Variants in DIP2C observed in about 807,000 individuals in gnomAD.
DIP2C encodes the protein DIP2 acetate--CoA ligase C (putative).
DIP2C carries 33 observed loss-of-function variants against 192.4 expected under a neutral mutation model. The observed-to-expected ratio is 0.17, with a 90% CI of 0.13 to 0.23. The LOEUF (loss-of-function observed/expected upper bound fraction) is 0.23, where lower values mean the gene tolerates loss of function less well. Ranked by LOEUF, DIP2C falls within the 10% of genes least tolerant of loss-of-function variation. DIP2C has a pLI of 1.00. For synonymous variants in DIP2C, 979 were observed against 864.1 expected, an observed-to-expected ratio of 1.13 and a Z score of -2.33; for missense variants, 1,537 against 2,110.1, an observed-to-expected ratio of 0.73 and a Z score of 5.32.
rs188393716 is a variant in DIP2C, at chr10:678,747, C to G, written c.85+10747G>C. On this transcript the variant is annotated intron_variant, in intron 1 of 36. Coordinates refer to ENST00000280886, the MANE Select transcript of DIP2C (RefSeq NM_014974.3). ...ACACCCGTGCTCCCCGCGCCCATCT[C>G]TGCTCCCCATGTCCATGCTCCCCGC... Among the ~76,000 whole-genome samples, 65 of 41,046 alleles carry G rather than the reference C, an allele frequency of 1.6e-3. 4 individuals carry two copies. The highest frequency in any genetic ancestry group is 5.0e-3 in the African/African-American group (58 of 11,646). 26.9% of individuals were successfully genotyped at this position (41,046 alleles called of 152,430 possible).
At chr10:477,856 T>TGAAGGAAGCAGAGA (rs1843203179) in intron 2 of DIP2C, among the ~76,000 whole-genome samples, 1 of 90,374 alleles carries the variant, frequency 1.1e-5, no homozygotes, top group Admixed American at 1.4e-4. Context: ...AAAGGAGAAG[T>TGAAGGAAGCAGAGA]GAAGGAAGCA....
intron 5 of DIP2C, among the ~76,000 whole-genome samples, chr10:422,352 G>A (rs1230951233): frequency 1.3e-5 from 2 of 152,290 alleles, no homozygotes. Context: ...CTAACTTTGT[G>A]CTTTTTCTCA....
At chr10:589,718 C>T (rs1588536840) in intron 1 of DIP2C, among the ~76,000 whole-genome samples, 1 of 152,102 alleles carries the variant, frequency 6.6e-6, no homozygotes, top group Non-Finnish European at 1.5e-5. Flanking sequence ...AAGCAAAAAC[C>T]ACACTAGAAA....
chr10:440,634 T>C (rs1222893007), intron 4 of DIP2C, among the ~76,000 whole-genome samples: 2 of 152,218 alleles, frequency 1.3e-5, no homozygotes, highest in East Asian at 3.8e-4. Context: ...TTTACTGGTA[T>C]GTATCATATG....
chr10:591,773 C>T (rs1851416334), intron 1 of DIP2C, among the ~76,000 whole-genome samples: 1 of 152,138 alleles, frequency 6.6e-6, no homozygotes, highest in African/African-American at 2.4e-5. Context: ...CACAAAGGTA[C>T]CACACCCCAC....
chr10:468,068 T>C (rs988363527), intron 3 of DIP2C, among the ~76,000 whole-genome samples: 2 of 152,136 alleles, frequency 1.3e-5, no homozygotes. Flanking sequence ...CACAGCCCTT[T>C]CCTTGTGAAT....
chr10:447,462 C>T (rs1251327615), intron 3 of DIP2C, among the ~76,000 whole-genome samples: 3 of 150,112 alleles, frequency 2.0e-5, no homozygotes, highest in East Asian at 2.0e-4. Context: ...CAGCAGGACC[C>T]GCTCACTCCC....
At chr10:422,185 C>CCA (rs1966236566) in intron 5 of DIP2C, among the ~76,000 whole-genome samples, 1 of 152,184 alleles carries the variant, frequency 6.6e-6, no homozygotes, top group Non-Finnish European at 1.5e-5. Context: ...CCTATTCAAC[C>CCA]CAAGTCCCGT....
chr10:274,244 AC>A lies in DIP2C; in HGVS notation c.*3080del, dbSNP rs989385341. ...GATATATTTAAAAGAATTAAAAAAA[AC>A]ATTTCACAAAACATTTGTTGCCATA... On this transcript the variant is annotated 3_prime_UTR_variant, in exon 37 of 37. Transcript: ENST00000280886. 7.2e-5 allele frequency: 11 copies of A among 152,196 alleles called. No homozygotes were observed. The highest frequency in any genetic ancestry group is 9.6e-5 in the African/African-American group (4 of 41,460). 9.4% of individuals were successfully genotyped at this position (152,196 alleles called of 1,614,324 possible). A position where few individuals can be genotyped will look rare whatever the true frequency, so the allele number is the denominator to read the frequency against.
At chr10:547,003 T>C (rs1848318370) in intron 1 of DIP2C, among the ~76,000 whole-genome samples, 2 of 152,234 alleles carry the variant, frequency 1.3e-5, no homozygotes, top group Admixed American at 1.3e-4. Context: ...TAAGTCATTC[T>C]TTAGATAAAG....
chr10:536,069 T>TTC (rs1847675503), intron 1 of DIP2C, among the ~76,000 whole-genome samples: 1 of 151,742 alleles, frequency 6.6e-6, no homozygotes, highest in African/African-American at 2.4e-5. Flanking sequence ...TATAAATTGA[T>TTC]TCTCTCCCAG....
At chr10:280,254 C>A (rs552765660) in intron 36 of DIP2C, among the ~76,000 whole-genome samples, 1 of 152,302 alleles carries the variant, frequency 6.6e-6, no homozygotes, top group East Asian at 1.9e-4. Context: ...TATTGCATCT[C>A]AGCTAGCTAA....
intron 1 of DIP2C, among the ~76,000 whole-genome samples, chr10:593,225 C>T (rs899566582): frequency 2.0e-5 from 3 of 152,110 alleles, no homozygotes; most frequent in African/African-American, 2.4e-5. Flanking sequence ...AACATCCCCC[C>T]GGGGTGGTCT....
At chr10:531,089 G>A (rs1847341568) in intron 1 of DIP2C, among the ~76,000 whole-genome samples, 1 of 152,162 alleles carries the variant, frequency 6.6e-6, no homozygotes, top group Non-Finnish European at 1.5e-5. Context: ...ATAAACGTCT[G>A]CGCCCAACAG....
At chr10:308,579 A>AT (rs373242281) in intron 32 of DIP2C, among the ~76,000 whole-genome samples, 82 of 152,368 alleles carry the variant, frequency 5.4e-4, no homozygotes, top group African/African-American at 1.9e-3. Context: ...AGAAAACTGT[A>AT]TGCCCAGAAA....
At chr10:461,502 C>G (rs1969772132) in intron 3 of DIP2C, among the ~76,000 whole-genome samples, 1 of 152,104 alleles carries the variant, frequency 6.6e-6, no homozygotes. Flanking sequence ...TAAATATATA[C>G]ATACCCAATA....
chr10:287,090 C>G (rs1033264763), intron 33 of DIP2C, among the ~76,000 whole-genome samples: 1 of 152,048 alleles, frequency 6.6e-6, no homozygotes, highest in African/African-American at 2.4e-5. Context: ...TAATAGATGT[C>G]AGTACTAAGC....
chr10:298,588 C>T (rs1299912933), intron 32 of DIP2C, among the ~76,000 whole-genome samples: 1 of 152,208 alleles, frequency 6.6e-6, no homozygotes, highest in Non-Finnish European at 1.5e-5. Flanking sequence ...CTCTGGGTGA[C>T]CAAGCCCATG....
chr10:660,262 C>T (rs958486185), intron 1 of DIP2C, among the ~76,000 whole-genome samples: 5 of 151,782 alleles, frequency 3.3e-5, no homozygotes, highest in African/African-American at 7.3e-5. Context: ...GATTCTAGCC[C>T]TTGTCCCTGT....
Sources: gnomAD v4.1 joint callset for allele counts (sites outside exome capture counted in the v4.1 genomes callset) on GRCh38, gnomAD v4.1.1 for gene constraint, MANE v1.5 for transcripts, NCBI Gene and HGNC (gene_info 2026-07-23, HGNC 2026-07-21) for gene names.